Variants in DNER observed in about 807,000 individuals in gnomAD.
The protein encoded by DNER is delta and Notch-like epidermal growth factor-related receptor.
DNER carries 33 observed loss-of-function variants against 78.2 expected under a neutral mutation model. The ratio of observed to expected loss-of-function variants is 0.42; its 90% CI spans 0.32 to 0.56. The LOEUF is 0.56. DNER is among the 20% of genes least tolerant of loss of function. The pLI, the probability that DNER is intolerant of heterozygous loss-of-function variation, is 0.11. For missense variants in DNER, 918 were observed against 975.3 expected, an observed-to-expected ratio of 0.94 and a Z score of 0.78; for synonymous variants, 417 against 384.8, an observed-to-expected ratio of 1.08 and a Z score of -0.98.
At chr2:229,431,866 G>A (rs1311075660) in intron 8 of DNER, among the ~76,000 whole-genome samples, 3 of 151,942 alleles carry the variant, frequency 2.0e-5, no homozygotes, top group Admixed American at 2.0e-4. Context: ...GAATCTGCCA[G>A]GTTATATTTA....
chr2:229,522,521 G>A (rs539956666), intron 5 of DNER, among the ~76,000 whole-genome samples: 2 of 152,268 alleles, frequency 1.3e-5, no homozygotes, highest in East Asian at 1.9e-4. Context: ...TGAAAAAAGA[G>A]CCTGTTCCCA....
chr2:229,493,945 A>G (rs1236552029), intron 6 of DNER, among the ~76,000 whole-genome samples: 1 of 152,212 alleles, frequency 6.6e-6, no homozygotes, highest in Non-Finnish European at 1.5e-5. Flanking sequence ...ATAAGGGTCT[A>G]GATTCCAGGG....
At chr2:229,522,287 A>G (rs957630100) in intron 5 of DNER, among the ~76,000 whole-genome samples, 6 of 152,182 alleles carry the variant, frequency 3.9e-5, no homozygotes, top group Non-Finnish European at 7.4e-5. Context: ...CAGAATGGAG[A>G]TGTTCAAAAG....
intron 7 of DNER, among the ~76,000 whole-genome samples, chr2:229,448,660 A>G (rs1296964532): frequency 6.6e-6 from 1 of 152,220 alleles, no homozygotes; most frequent in African/African-American, 2.4e-5. Context: ...AAAAAATTAT[A>G]CATGTGCATA....
At chr2:229,395,441 T>G (rs1488780794) in intron 10 of DNER, among the ~76,000 whole-genome samples, 1 of 152,194 alleles carries the variant, frequency 6.6e-6, no homozygotes, top group African/African-American at 2.4e-5. Flanking sequence ...TGCAGTGACG[T>G]GCACCGTGGA....
intron 5 of DNER, among the ~76,000 whole-genome samples, chr2:229,526,683 G>A (rs1264943000): frequency 1.3e-5 from 2 of 152,234 alleles, no homozygotes; most frequent in Non-Finnish European, 2.9e-5. Context: ...ACAGGAGGCA[G>A]AGCTCAGGCA....
At chr2:229,454,580 A>G (rs1296762644) in intron 7 of DNER, among the ~76,000 whole-genome samples, 2 of 152,116 alleles carry the variant, frequency 1.3e-5, no homozygotes, top group Non-Finnish European at 2.9e-5. Flanking sequence ...ATACCTCAGT[A>G]TACATACTGA....
chr2:229,505,219 T>TGTGTGTGTGTGTGTGTG (rs56268741), intron 6 of DNER, among the ~76,000 whole-genome samples: 36 of 149,240 alleles, frequency 2.4e-4, no homozygotes, highest in South Asian at 4.3e-4. Context: ...TGTGTGTGTG[T>TGTGTGTGTGTGTGTGTG]TGGCTACAAT....
At chr2:229,650,968 A>T (rs1429079001) in intron 1 of DNER, among the ~76,000 whole-genome samples, 1 of 152,112 alleles carries the variant, frequency 6.6e-6, no homozygotes, top group Non-Finnish European at 1.5e-5. Flanking sequence ...TTTGCCCTTT[A>T]TCTGGGATGA....
At chr2:229,380,947 T>A (rs937260710) in intron 11 of DNER, among the ~76,000 whole-genome samples, 1 of 151,284 alleles carries the variant, frequency 6.6e-6, no homozygotes, top group Non-Finnish European at 1.5e-5. Flanking sequence ...AAAAATAAAA[T>A]AAAATAAAAA....
At chr2:229,662,089 A>C (rs577324014) in intron 1 of DNER, among the ~76,000 whole-genome samples, 1 of 152,344 alleles carries the variant, frequency 6.6e-6, no homozygotes, top group South Asian at 2.1e-4. Flanking sequence ...CAATTTAGTC[A>C]TATTTGTGTC....
At chr2:229,368,497 T>G (rs1337971613) in intron 11 of DNER, among the ~76,000 whole-genome samples, 1 of 152,132 alleles carries the variant, frequency 6.6e-6, no homozygotes, top group Non-Finnish European at 1.5e-5. Context: ...CTCAGTGAGA[T>G]GAAAAGATAT....
chr2:229,685,509 C>T (rs2154217248), intron 1 of DNER, among the ~76,000 whole-genome samples: 1 of 152,246 alleles, frequency 6.6e-6, no homozygotes, highest in South Asian at 2.1e-4. Context: ...AAAGGTGGTG[C>T]CCATCCTATA....
intron 5 of DNER, among the ~76,000 whole-genome samples, chr2:229,537,773 ATACTTT>A (rs2154212983): frequency 6.6e-6 from 1 of 151,728 alleles, no homozygotes; most frequent in Non-Finnish European, 1.5e-5. Context: ...TATTATTATT[ATACTTT>A]AAGTTTTAGG....
intron 1 of DNER, among the ~76,000 whole-genome samples, chr2:229,613,982 C>T (rs981169743): frequency 5.8e-5 from 8 of 138,416 alleles, no homozygotes; most frequent in East Asian, 2.2e-4. Context: ...ACAATGAGAA[C>T]ACATGGACAC....
In DNER at chr2:229,591,816, CGCTGCTGCT is replaced by C. The variant is rs376000556; in HGVS notation, c.340_348del (p.Ser114_Ser116del). On this transcript the variant is annotated inframe_deletion, in exon 2 of 13. Coordinates refer to ENST00000341772, the MANE Select transcript of DNER (RefSeq NM_139072.4). This position sits in a 1 kb window ranked among gnomAD's most constrained non-coding sequence, Gnocchi z 4.6. ...TCATTGCAAATGCAGAGGTAGCCAT[CGCTGCTGCT>C]GCTGCTGCTGCTGCTGCAGTTGCCA... 30 of 1,611,386 alleles carry C rather than the reference CGCTGCTGCT, an allele frequency of 1.9e-5. No individual in the cohort carries two copies. Among genetic ancestry groups the C allele is most frequent in the Admixed American group, 3.3e-5 (2 of 59,784 alleles).
intron 10 of DNER, among the ~76,000 whole-genome samples, chr2:229,405,318 ATGTT>A (rs1367836830): frequency 3.3e-5 from 5 of 152,310 alleles, no homozygotes; most frequent in Non-Finnish European, 5.9e-5. Context: ...TATCGGTTCA[ATGTT>A]TGTTTGTTTT....
chr2:229,424,779 G>C (rs1011750209), intron 8 of DNER, among the ~76,000 whole-genome samples: 8 of 152,126 alleles, frequency 5.3e-5, no homozygotes, highest in Non-Finnish European at 1.0e-4. Flanking sequence ...TAGAATCTGA[G>C]TTTCTCAGTC....
intron 4 of DNER, among the ~76,000 whole-genome samples, chr2:229,549,721 C>T (rs1696694045): frequency 6.6e-6 from 1 of 152,010 alleles, no homozygotes. Flanking sequence ...ACCAGCCTGG[C>T]CAATATGGTG....
Sources: gnomAD v4.1 joint callset for allele counts (sites outside exome capture counted in the v4.1 genomes callset) on GRCh38, gnomAD v4.1.1 for gene constraint, Gnocchi (gnomAD v3.1) non-coding constraint, MANE v1.5 for transcripts, NCBI Gene and HGNC (gene_info 2026-07-23, HGNC 2026-07-21) for gene names.